The following CECR2 variants were observed in gnomAD, a reference collection of about 807,000 sequenced individuals.
CECR2 encodes chromatin remodeling regulator CECR2.
A neutral mutation model predicts 154.5 loss-of-function variants in CECR2; 30 were observed. That is an observed-to-expected ratio of 0.19 (90% CI 0.15 to 0.26). The LOEUF is 0.26. Ranked by LOEUF, CECR2 falls within the 10% of genes least tolerant of loss-of-function variation. CECR2 has a pLI of 1.00. For missense variants in CECR2, 1,743 were observed against 1,829.3 expected (o/e 0.95, Z 0.86); for synonymous variants, 725 against 683.7 (o/e 1.06, Z -0.94).
At position 17,548,445 on chromosome 22, in the gene CECR2, C is replaced by G; in HGVS notation, c.3158C>G (p.Ser1053Cys). 1 of 1,614,016 alleles carries G rather than the reference C, an allele frequency of 6.2e-7. No individual in the cohort carries two copies. Among genetic ancestry groups the G allele is most frequent in the South Asian group, 1.1e-5 (1 of 91,086 alleles). ...LSTVADRGALSENGVIGEASP... is the reference protein window; with the variant it reads ...LSTVADRGALCENGVIGEASP... Reference sequence around the variant, plus strand: ...ACGGTGGCAGACAGGGGCGCTCTATCCGAGAACGGAGTCATTGGGGAAGCA... The same window carrying G: ...ACGGTGGCAGACAGGGGCGCTCTATGCGAGAACGGAGTCATTGGGGAAGCA... The change falls in exon 17 of 19, where the codon TCC (serine) becomes TGC (cysteine). Residue 1053 changes from serine (S) to cysteine (C), a missense_variant. Around this residue, in one of 4 missense-constraint regions of CECR2, gnomAD observed 1,250 missense variants for 1,192.1 expected, o/e 1.05. Transcript: ENST00000262608.
In CECR2 at chr22:17,384,278, C is replaced by T. The variant is rs542116559; in HGVS notation, c.126+14369C>T. Among the ~76,000 whole-genome samples, 112 of 152,230 alleles carry T rather than the reference C, an allele frequency of 7.4e-4. 1 individual carries two copies. The highest frequency in any genetic ancestry group is 2.6e-3 in the African/African-American group (109 of 41,542). ...ATTTTATTTTTTGTAGAGATGGGGT[C>T]TCGCTGTGTTGCCCAGACTGGTCTT... On this transcript the variant is annotated intron_variant, in intron 1 of 18. Coordinates refer to ENST00000262608, the MANE Select transcript of CECR2 (RefSeq NM_001290047.2).
chr22:17,484,341 G>A (rs191359543), intron 2 of CECR2, among the ~76,000 whole-genome samples: 47 of 152,218 alleles, frequency 3.1e-4, no homozygotes, highest in African/African-American at 9.9e-4. Context: ...TGTTACAGGT[G>A]CACACCCACC....
At chr22:17,543,093 C>A in intron 16 of CECR2, 90 bp downstream of exon 16, 2 of 1,326,870 alleles carry the variant, frequency 1.5e-6, no homozygotes, top group Non-Finnish European at 2.0e-6. Flanking sequence ...TAATCTGGTT[C>A]CCAGCCTCTC....
chr22:17,449,313 C>T (rs1320310231), intron 1 of CECR2, among the ~76,000 whole-genome samples: 1 of 151,912 alleles, frequency 6.6e-6, no homozygotes, highest in Non-Finnish European at 1.5e-5. Flanking sequence ...TGGATGCTGT[C>T]ACCTGTTTGT....
chr22:17,414,455 T>C (rs1290555876), intron 1 of CECR2, among the ~76,000 whole-genome samples: 1 of 144,234 alleles, frequency 6.9e-6, no homozygotes, highest in Admixed American at 6.8e-5. Context: ...GTTTCTTTTT[T>C]CTTTTTTTTT....
At chr22:17,400,712 C>T (rs575252289) in intron 1 of CECR2, among the ~76,000 whole-genome samples, 1 of 152,260 alleles carries the variant, frequency 6.6e-6, no homozygotes, top group African/African-American at 2.4e-5. Flanking sequence ...ATTGGGATCT[C>T]ACTTGCCTGT....
At chr22:17,513,041 A>G (rs2055987607) in intron 8 of CECR2, among the ~76,000 whole-genome samples, 1 of 152,206 alleles carries the variant, frequency 6.6e-6, no homozygotes, top group Non-Finnish European at 1.5e-5. Context: ...ACCACTAATT[A>G]AAAGAGTTGT....
chr22:17,515,740 A>G (rs903439110), intron 8 of CECR2, among the ~76,000 whole-genome samples: 2 of 151,750 alleles, frequency 1.3e-5, no homozygotes, highest in African/African-American at 2.4e-5. Context: ...CAGTGGCACA[A>G]TCTGGGCTCA....
chr22:17,507,191 A>C lies in CECR2; in HGVS notation c.870+2175A>C, dbSNP rs1041619336. 3.3e-5 allele frequency among the ~76,000 whole-genome samples: 5 copies of C among 152,170 alleles called. No individual in the cohort carries two copies. In the East Asian group the frequency reaches 9.6e-4, roughly 29 times the overall value. ...GATCTGGTGCTGTGTCTAACCCTTA[A>C]GCAGGTTGATGCTTTAGGGAAAGTC... On this transcript the variant is annotated intron_variant, in intron 7 of 18. Transcript: ENST00000262608.
intron 9 of CECR2, among the ~76,000 whole-genome samples, chr22:17,529,699 CAA>C (rs34980904): frequency 6.5e-4 from 65 of 100,468 alleles, no homozygotes; most frequent in African/African-American, 1.7e-3. Context: ...GATTCCGTCT[CAA>C]AAAAAAAAAA....
chr22:17,549,419 A>G lies in CECR2; in HGVS notation c.4132A>G (p.Thr1378Ala), dbSNP rs990491172. 9 of 1,613,286 alleles carry G rather than the reference A, an allele frequency of 5.6e-6. No individual in the cohort carries two copies. The highest frequency in any genetic ancestry group is 7.6e-6 in the Non-Finnish European group (9 of 1,179,616). The change falls in exon 17 of 19, where the codon ACC (threonine) becomes GCC (alanine). Residue 1378 changes from threonine (T) to alanine (A), a missense_variant. By Grantham distance (58) the Thr-to-Ala change is moderately conservative. Around this residue, in one of 4 missense-constraint regions of CECR2, gnomAD observed 1,250 missense variants for 1,192.1 expected, o/e 1.05. Transcript: ENST00000262608. ...AALPPHHPGA[T>A]QPNGLSQEGP... is the part of the protein sequence containing the mutation. ...CCTCCCACCTCACCACCCAGGGGCC[A>G]CCCAGCCCAACGGCCTCTCTCAGGA...
intron 1 of CECR2, among the ~76,000 whole-genome samples, chr22:17,470,094 A>G (rs1295050026): frequency 4.6e-5 from 7 of 152,106 alleles, no homozygotes; most frequent in Admixed American, 2.6e-4. Context: ...AATTGATTCA[A>G]TCACAGGAAC....
At chr22:17,430,240 A>G (rs899161222) in intron 1 of CECR2, among the ~76,000 whole-genome samples, 2 of 152,172 alleles carry the variant, frequency 1.3e-5, no homozygotes, top group Non-Finnish European at 2.9e-5. Context: ...GTACAGTTCT[A>G]TATGAAAAAT....
At chr22:17,535,738 A>T (rs923887841) in intron 9 of CECR2, among the ~76,000 whole-genome samples, 16 of 152,236 alleles carry the variant, frequency 1.1e-4, no homozygotes, top group African/African-American at 2.2e-4. Context: ...TCGAAAAAAA[A>T]AATAATTTTT....
At chr22:17,501,624 C>T (rs183242453) in intron 5 of CECR2, among the ~76,000 whole-genome samples, 3 of 152,286 alleles carry the variant, frequency 2.0e-5, no homozygotes, top group Admixed American at 1.3e-4. Flanking sequence ...CTTAACTTTA[C>T]AGAAGTTCAG....
intron 1 of CECR2, among the ~76,000 whole-genome samples, chr22:17,387,106 G>A (rs894220757): frequency 6.6e-6 from 1 of 152,136 alleles, no homozygotes; most frequent in Non-Finnish European, 1.5e-5. Context: ...ATGATAATTT[G>A]TATACAAATA....
rs118016221 is a variant in CECR2, at chr22:17,446,989, C to T, written c.127-30599C>T. 8.2e-3 allele frequency among the ~76,000 whole-genome samples: 1,211 copies of T among 148,398 alleles called. 71 individuals carry two copies. In the East Asian group the frequency reaches 0.15, roughly 19 times the overall value. ...ACAGTTCTTTAGCTAGACACAGTGC[C>T]GATTGGTGCATTTTTACAGAGTGCT... On this transcript the variant is annotated intron_variant, in intron 1 of 18. Transcript: ENST00000262608.
At chr22:17,466,769 AT>A (rs1180466032) in intron 1 of CECR2, among the ~76,000 whole-genome samples, 3 of 151,950 alleles carry the variant, frequency 2.0e-5, no homozygotes, top group Non-Finnish European at 4.4e-5. Context: ...TAATTTTTGT[AT>A]TTTTAGTAGA....
intron 5 of CECR2, 80 bp downstream of exon 5, chr22:17,500,815 C>A: frequency 1.9e-6 from 2 of 1,053,476 alleles, no homozygotes; most frequent in Non-Finnish European, 1.4e-6. Flanking sequence ...CTTTATTTTG[C>A]CTGTGCCATG....
Sources: gnomAD v4.1 joint callset for allele counts (sites outside exome capture counted in the v4.1 genomes callset) on GRCh38, gnomAD v4.1.1 for gene constraint, gnomAD v4.1.1 regional missense constraint, MANE v1.5 for transcripts, NCBI Gene and HGNC (gene_info 2026-07-23, HGNC 2026-07-21) for gene names.